MYO19: variants seen among roughly 807,000 people sequenced by gnomAD.
The protein encoded by MYO19 is myosin XIX.
MYO19 carries 132 observed loss-of-function variants against 129.2 expected under a neutral mutation model. The observed-to-expected ratio is 1.02, with a 90% CI of 0.89 to 1.18. The LOEUF is 1.18. Among genes scored for constraint, MYO19 ranks in the 50% most tolerant of loss-of-function variants. The pLI is 0.00. For synonymous variants in MYO19, 531 were observed against 477.2 expected (o/e 1.11, Z -1.47); for missense variants, 1,210 against 1,216.7 (o/e 0.99, Z 0.08).
chr17:36,500,682 G>A, intron 23 of MYO19, 148 bp downstream of exon 23: 2 of 1,137,468 alleles, frequency 1.8e-6, no homozygotes, highest in East Asian at 5.2e-5. Context: ...GAGGGGGACA[G>A]GGAATTTGAA....
chr17:36,519,277 C>A (rs1314860655), intron 6 of MYO19, among the ~76,000 whole-genome samples: 1 of 152,176 alleles, frequency 6.6e-6, no homozygotes. Flanking sequence ...AGGTACACAC[C>A]TGTTTAGAAC....
intron 6 of MYO19, among the ~76,000 whole-genome samples, chr17:36,524,304 T>C (rs2073327604): frequency 6.6e-6 from 1 of 152,110 alleles, no homozygotes; most frequent in Non-Finnish European, 1.5e-5. Context: ...GCATTTTTCA[T>C]CCCCCTGCCA....
chr17:36,513,342 G>A lies in MYO19; in HGVS notation c.894+87C>T, dbSNP rs114893416. 2,576 of 1,610,350 alleles carry A rather than the reference G, an allele frequency of 1.6e-3. 30 individuals are homozygous for A. The African/African-American group carries it at 0.03, about 19-fold the overall frequency. The stretch of plus-strand genomic sequence containing the variant: ...CCAAAGTCCTAGATCCTCAGGGAAA[G>A]ACCAACTCCAAGTCCAGGGAAAAGC... On this transcript the variant is annotated intron_variant, in intron 11 of 25. Coordinates refer to ENST00000614623, the MANE Select transcript of MYO19 (RefSeq NM_001163735.2).
In MYO19 at chr17:36,499,090, T is replaced by C. The variant is rs372897844; in HGVS notation, c.2448A>G (p.Ala816=). 8.1e-6 allele frequency: 13 copies of C among 1,609,470 alleles called. No homozygotes were observed. Among genetic ancestry groups the C allele is most frequent in the East Asian group, 2.2e-5 (1 of 44,806 alleles). ...TCTTACTTACTCTCCACTTCTGCCATGCACGCTTGATGACTGTGGCAGCTG... is the reference window on the plus strand; with the variant it reads ...TCTTACTTACTCTCCACTTCTGCCACGCACGCTTGATGACTGTGGCAGCTG... ...LHAAATVIKR[A]WQKWRIRMAC... The change falls in exon 24 of 26, where the codon GCA becomes GCG. Residue 816 remains alanine (A), a synonymous_variant. Transcript: ENST00000614623.
intron 23 of MYO19, chr17:36,499,467 G>C (rs991703875): frequency 4.2e-6 from 1 of 239,378 alleles, no homozygotes; most frequent in Admixed American, 4.7e-5. Context: ...AGCACCCAGG[G>C]AATGGGAGGG....
Position 36,509,117 on chromosome 17 carries a change from T to A in MYO19, c.1176A>T (p.Val392=). ...CACAGATGCTGCTGTTGATCACTGA[T>A]ACCAGCCAGTCAAACAACCTGTTGG... ...LIYARLFDWL[V]SVINSSICAD... Residue 392 remains valine, a synonymous_variant, in exon 14 of 26, where the codon GTA becomes GTT. Coordinates refer to ENST00000614623, the MANE Select transcript of MYO19 (RefSeq NM_001163735.2). 6.2e-7 allele frequency: 1 copy of A among 1,613,780 alleles called. No individual in the cohort carries two copies. Among genetic ancestry groups the A allele is most frequent in the Non-Finnish European group, 8.5e-7 (1 of 1,179,810 alleles).
chr17:36,513,380 G>A, intron 11 of MYO19, 49 bp downstream of exon 11: 7 of 1,613,866 alleles, frequency 4.3e-6, no homozygotes, highest in Non-Finnish European at 5.9e-6. Context: ...TATGCAAAGG[G>A]CTGCCCGTCA....
chr17:36,537,881 G>C (rs1158643556), upstream of MYO19: 1 of 1,613,954 alleles, frequency 6.2e-7, no homozygotes, highest in Admixed American at 1.7e-5. Context: ...CCCTAAATAA[G>C]TCCTGGATTA....
At chr17:36,513,853 G>C (rs938903117) in intron 9 of MYO19, 128 bp from the exon 10 acceptor site, 7 of 760,518 alleles carry the variant, frequency 9.2e-6, no homozygotes, top group Non-Finnish European at 1.5e-5. Context: ...GGTCCCTTCC[G>C]AGAGCCCACG....
At position 36,510,806 on chromosome 17, in the gene MYO19, G is replaced by T. The variant is rs747934961; in HGVS notation, c.1097C>A (p.Pro366His). The T allele has an allele frequency of 6.9e-6, 11 of 1,600,372 alleles. No individual in the cohort carries two copies. The South Asian group carries it at 1.2e-4, about 18-fold the overall frequency. The change falls in exon 13 of 26, where the codon CCC becomes CAC. Residue 366 changes from proline (P) to histidine (H), a missense_variant. By Grantham distance (77) the Pro-to-His change is moderately conservative. Transcript: ENST00000614623. ...AGRQQQVFRK[P>H]CARAECDTRR... ...GGTGTCACACTCGGCTCGGGCGCAG[G>T]GCTTCCGGAACACCTGCTGCTGTCT...
At chr17:36,527,443 G>A (rs2073543331) in intron 5 of MYO19, 108 bp downstream of exon 5, 1 of 1,312,966 alleles carries the variant, frequency 7.6e-7, no homozygotes, top group East Asian at 2.5e-5. Flanking sequence ...AGCAGACTCT[G>A]AATGACCACA....
intron 18 of MYO19, among the ~76,000 whole-genome samples, chr17:36,505,963 G>A (rs1322183864): frequency 1.3e-5 from 2 of 152,194 alleles, no homozygotes; most frequent in Non-Finnish European, 2.9e-5. Flanking sequence ...AAGTCTGAAG[G>A]ATGAGAAGGA....
At chr17:36,537,924 G>A (rs751022700), upstream of MYO19, 2 of 1,613,982 alleles carry the variant, frequency 1.2e-6, no homozygotes, top group Non-Finnish European at 1.7e-6. Context: ...ATACCAGCTA[G>A]CCCTTGACTT....
intron 6 of MYO19, 108 bp from the exon 7 acceptor site, chr17:36,516,098 C>T: frequency 1.5e-6 from 2 of 1,316,554 alleles, no homozygotes; most frequent in Non-Finnish European, 2.0e-6. Context: ...CAGTGTGTTG[C>T]TGACAAAATG....
chr17:36,498,085 G>A (rs1176208623), intron 25 of MYO19, 181 bp downstream of exon 25: 6 of 617,336 alleles, frequency 9.7e-6, no homozygotes, highest in African/African-American at 1.8e-5. Context: ...AAGATTCCCA[G>A]TTATAACAAA....
intron 14 of MYO19, 160 bp from the exon 15 acceptor site, chr17:36,508,084 C>T (rs989430423): frequency 1.5e-6 from 1 of 662,836 alleles, no homozygotes; most frequent in Non-Finnish European, 2.3e-6. Context: ...CAGAACATAC[C>T]TTCCCCACCC....
In MYO19 at chr17:36,505,540, G is replaced by C. The variant is rs897550111; in HGVS notation, c.1798-136C>G. 68 of 638,120 alleles carry C rather than the reference G, an allele frequency of 1.1e-4. 1 individual carries two copies. The highest frequency in any genetic ancestry group is 1.2e-4 in the Non-Finnish European group (45 of 361,104). 39.5% of individuals were successfully genotyped at this position (638,120 alleles called of 1,614,324 possible). A position where few individuals can be genotyped will look rare whatever the true frequency, so the allele number is the denominator to read the frequency against. On this transcript the variant is annotated intron_variant, in intron 18 of 25. Transcript: ENST00000614623. The stretch of plus-strand genomic sequence containing the variant: ...CTGAGACCAAGAATCTCCTGTGCAG[G>C]GATGACTGCTGCAGGCTCTCAACGA...
chr17:36,535,240 A>C (rs1402615509), upstream of MYO19: 1 of 152,222 alleles, frequency 6.6e-6, no homozygotes, highest in Non-Finnish European at 1.5e-5. Context: ...AGGCCGGCGG[A>C]CACCATTACC....
At chr17:36,542,100 C>T (rs140745742) in exon 2 of MYO19, 1 of 152,258 alleles carries the variant, frequency 6.6e-6, no homozygotes, top group East Asian at 1.9e-4. Flanking sequence ...CCACCTTTTT[C>T]GCCTTTAAGA....
Sources: gnomAD v4.1 joint callset for allele counts (sites outside exome capture counted in the v4.1 genomes callset) on GRCh38, gnomAD v4.1.1 for gene constraint, MANE v1.5 for transcripts, NCBI Gene and HGNC (gene_info 2026-07-23, HGNC 2026-07-21) for gene names.